Variants in TMC5 observed in about 807,000 individuals in gnomAD.
TMC5 encodes the protein transmembrane channel-like protein 5.
TMC5 carries 86 observed loss-of-function variants against 110.5 expected under a neutral mutation model. That is an observed-to-expected ratio of 0.78 (90% CI 0.65 to 0.93). The LOEUF (loss-of-function observed/expected upper bound fraction) is 0.93, where lower values mean the gene tolerates loss of function less well. Ranked by LOEUF, TMC5 falls within the 40% of genes least tolerant of loss-of-function variation. The pLI is 0.00. For synonymous variants in TMC5, 455 were observed against 439.5 expected, an observed-to-expected ratio of 1.04 and a Z score of -0.44; for missense variants, 1,144 against 1,222.8, an observed-to-expected ratio of 0.94 and a Z score of 0.96.
At chr16:19,421,317 CCCA>C (rs1399631068) in intron 1 of TMC5, among the ~76,000 whole-genome samples, 1 of 151,956 alleles carries the variant, frequency 6.6e-6, no homozygotes, top group African/African-American at 2.4e-5. Context: ...TCCCATAATC[CCCA>C]CATGTCATGA....
At chr16:19,463,507 A>C in intron 7 of TMC5, 140 bp downstream of exon 7, 1 of 869,062 alleles carries the variant, frequency 1.2e-6, no homozygotes, top group Non-Finnish European at 1.8e-6. Context: ...ACAGGTGTGG[A>C]AAAGCGAGGT....
At chr16:19,457,994 GAT>G (rs1411753921) in intron 5 of TMC5, among the ~76,000 whole-genome samples, 1 of 151,762 alleles carries the variant, frequency 6.6e-6, no homozygotes, top group Admixed American at 6.6e-5. Flanking sequence ...AAAGTGCTGG[GAT>G]GGATTACGGG....
Position 19,464,042 on chromosome 16 carries a change from C to A in TMC5, c.1485+18C>A. On this transcript the variant is annotated intron_variant, in intron 8 of 21. Coordinates refer to ENST00000542583, the MANE Select transcript of TMC5 (RefSeq NM_001261841.2). ...CTGGGGTGGTAAGTCCTCCACTTCC[C>A]CTACCCCAAGTGCACCAATCACCTC... 6.2e-7 allele frequency: 1 copy of A among 1,611,072 alleles called. No individual in the cohort carries two copies. The highest frequency in any genetic ancestry group is 8.5e-7 in the Non-Finnish European group (1 of 1,178,444).
intron 2 of TMC5, among the ~76,000 whole-genome samples, chr16:19,432,995 A>T (rs76028764): frequency 0.044 from 6,694 of 152,190 alleles, 405 homozygotes; most frequent in East Asian, 0.3. Flanking sequence ...CTTTGTGTGT[A>T]TATACATATA....
chr16:19,489,098 T>TTGCTCCACAACG (rs1376176221), intron 17 of TMC5, among the ~76,000 whole-genome samples: 5 of 152,116 alleles, frequency 3.3e-5, no homozygotes, highest in Admixed American at 1.3e-4. Context: ...TCTCTCTTCC[T>TTGCTCCACAACG]CACCAGTTCC....
chr16:19,457,181 G>A (rs1967899734), intron 5 of TMC5, among the ~76,000 whole-genome samples: 1 of 152,168 alleles, frequency 6.6e-6, no homozygotes, highest in African/African-American at 2.4e-5. Flanking sequence ...CTTGAGCCCA[G>A]GTGTTCGAGA....
At chr16:19,466,769 A>G (rs980582734) in intron 9 of TMC5, among the ~76,000 whole-genome samples, 3 of 152,186 alleles carry the variant, frequency 2.0e-5, no homozygotes, top group African/African-American at 7.2e-5. Context: ...TCAGCCTGAT[A>G]ATAAGGGTGC....
intron 1 of TMC5, among the ~76,000 whole-genome samples, chr16:19,419,402 GTTTTTTTTTTTTTT>G (rs55696911): frequency 6.1e-5 from 4 of 65,648 alleles, no homozygotes; most frequent in South Asian, 7.1e-4. Flanking sequence ...GAATGTGTTG[GTTTTTTTTTTTTTT>G]TTTTTTTTTT....
rs186911680 is a variant in TMC5, at chr16:19,440,415, C to G, written c.377C>G (p.Pro126Arg). ...HPYHRASSRQ[P>R]DYPGSQRNPD... ...TACCACCGAGCATCATCCAGACAAC[C>G]AGACTACCCTGGATCTCAACGAAAT... The change falls in exon 3 of 22, where the codon CCA (proline) becomes CGA (arginine). Residue 126 changes from proline to arginine, a missense_variant. Physicochemically the swap from Pro to Arg is moderately radical, Grantham distance 103. Transcript: ENST00000542583. The G allele has an allele frequency of 1.1e-5, 18 of 1,614,098 alleles. No individual in the cohort carries two copies. The East Asian group carries it at 3.3e-4, about 30-fold the overall frequency.
chr16:19,414,413 T>G (rs1174217055), upstream of TMC5, among the ~76,000 whole-genome samples: 1 of 152,234 alleles, frequency 6.6e-6, no homozygotes, highest in East Asian at 1.9e-4. Flanking sequence ...ACTCTGCTAA[T>G]TCACCCTCTG....
chr16:19,494,314 T>C lies in TMC5; in HGVS notation c.2879T>C (p.Met960Thr). The C allele has an allele frequency of 6.2e-7, 1 of 1,613,786 alleles. No homozygotes were observed. Among genetic ancestry groups the C allele is most frequent in the Non-Finnish European group, 8.5e-7 (1 of 1,179,878 alleles). The stretch of plus-strand genomic sequence containing the variant: ...GAAAAATTGATCAAGCTGCAGGATA[T>C]GGAGAAGAAAGCAAACCCCAGCTCA... Reference protein sequence around the residue: ...LIEKLIKLQDMEKKANPSSLV... With the variant: ...LIEKLIKLQDTEKKANPSSLV... The change falls in exon 20 of 22, where the codon ATG becomes ACG. Residue 960 changes from methionine (M) to threonine (T), a missense_variant. Transcript: ENST00000542583.
intron 9 of TMC5, among the ~76,000 whole-genome samples, chr16:19,467,576 G>C (rs1968221844): frequency 6.6e-6 from 1 of 152,060 alleles, no homozygotes; most frequent in Admixed American, 6.6e-5. Flanking sequence ...CTGTCCCCCA[G>C]GTTCAAGGGA....
rs1251287344 is a variant in TMC5 at position 19,498,033 on chromosome 16, A to G, written c.*67A>G. On this transcript the variant is annotated 3_prime_UTR_variant, in exon 22 of 22. Coordinates refer to ENST00000542583, the MANE Select transcript of TMC5 (RefSeq NM_001261841.2). ...AGACGAAAATGGAATGATTTCTTCC[A>G]TGCCACCTGTGCCTTTAGGAACTGC... The G allele has an allele frequency of 6.7e-7, 1 of 1,488,854 alleles. No individual in the cohort carries two copies. Among genetic ancestry groups the G allele is most frequent in the East Asian group, 2.3e-5 (1 of 44,236 alleles). The allele number at this position is 1,488,854 out of a possible 1,614,324, so 92.2% of individuals were successfully genotyped here. A position where few individuals can be genotyped will look rare whatever the true frequency, so the allele number is the denominator to read the frequency against.
chr16:19,418,422 CA>C (rs1160415033), intron 1 of TMC5, among the ~76,000 whole-genome samples: 1 of 152,006 alleles, frequency 6.6e-6, no homozygotes, highest in Non-Finnish European at 1.5e-5. Flanking sequence ...GGTAGTATGC[CA>C]AAAGCTCCCA....
intron 12 of TMC5, among the ~76,000 whole-genome samples, chr16:19,475,583 C>G (rs980536481): frequency 6.6e-6 from 1 of 152,134 alleles, no homozygotes; most frequent in East Asian, 1.9e-4. Flanking sequence ...GTCCCCGTCA[C>G]AGACCTCCTA....
At position 19,497,154 on chromosome 16, in the gene TMC5, G is replaced by A. The variant is rs373240686; in HGVS notation, c.2965G>A (p.Gly989Ser). ...CTTTTTGCATTTGGGGGAACATGAT[G>A]GCAGTCTTGGTGAGTAATTAAACTG... is the stretch of plus-strand genomic sequence containing the variant. Reference protein sequence around the residue: ...QGFLHLGEHDGSLDLRSRRSV... With the variant: ...QGFLHLGEHDSSLDLRSRRSV... The change falls in exon 21 of 22, where the codon GGC becomes AGC. Residue 989 changes from glycine to serine, a missense_variant. Physicochemically the swap from Gly to Ser is moderately conservative, Grantham distance 56. Transcript: ENST00000542583. The A allele has an allele frequency of 1.9e-5, 31 of 1,613,794 alleles. No individual in the cohort carries two copies. Among genetic ancestry groups the A allele is most frequent in the Non-Finnish European group, 1.7e-6 (2 of 1,179,914 alleles).
At chr16:19,439,758 G>T (rs11074394) in intron 2 of TMC5, among the ~76,000 whole-genome samples, 129,114 of 152,150 alleles carry the variant, frequency 0.85, 54,953 homozygotes, top group South Asian at 0.91. Context: ...GGAAGTTGTG[G>T]GTATCACTGC....
At chr16:19,436,625 A>C (rs1264468014) in intron 2 of TMC5, among the ~76,000 whole-genome samples, 1 of 152,216 alleles carries the variant, frequency 6.6e-6, no homozygotes, top group East Asian at 1.9e-4. Context: ...CATATTTGTC[A>C]GAATTCTTTT....
intron 15 of TMC5, among the ~76,000 whole-genome samples, chr16:19,486,592 G>C (rs558671108): frequency 7.1e-4 from 108 of 152,008 alleles, no homozygotes; most frequent in African/African-American, 2.5e-3. Context: ...GCCCAGGCTG[G>C]TCTTGAACTC....
Sources: gnomAD v4.1 joint callset for allele counts (sites outside exome capture counted in the v4.1 genomes callset) on GRCh38, gnomAD v4.1.1 for gene constraint, MANE v1.5 for transcripts, NCBI Gene and HGNC (gene_info 2026-07-23, HGNC 2026-07-21) for gene names.